The following ZNF142 variants were observed in gnomAD, a reference collection of about 807,000 sequenced individuals.
ZNF142 encodes zinc finger protein 142 (clone pHZ-49).
Under a neutral mutation model 132.1 loss-of-function variants are expected in ZNF142, and 96 were observed. The ratio of observed to expected loss-of-function variants is 0.73; its 90% CI spans 0.62 to 0.86. The LOEUF (loss-of-function observed/expected upper bound fraction) is 0.86. Ranked by LOEUF, ZNF142 falls within the 40% of genes least tolerant of loss-of-function variation. The pLI is 0.00. For missense variants in ZNF142, 2,163 were observed against 2,336.2 expected, an observed-to-expected ratio of 0.93 and a Z score of 1.53; for synonymous variants, 842 against 890.1, an observed-to-expected ratio of 0.95 and a Z score of 0.96.
chr2:218,640,485 T>C (rs994314756), intron 10 of ZNF142, among the ~76,000 whole-genome samples, 179 bp downstream of exon 10: 1 of 152,178 alleles, frequency 6.6e-6, no homozygotes, highest in Non-Finnish European at 1.5e-5. Context: ...CCCTTCTGAT[T>C]CTGACAGGTC....
rs751844424 is a variant in ZNF142 at position 218,656,492 on chromosome 2, G to C, written c.-34-29C>G. On this transcript the variant is annotated intron_variant, in intron 3 of 10. Transcript: ENST00000411696. ...ACAAGCCAACCAGAAGAAAAACAAA[G>C]TAAGGTTAGAGTTCTTACTTTCTTC... 1.6e-4 allele frequency: 229 copies of C among 1,423,272 alleles called. 1 individual carries two copies. The highest frequency in any genetic ancestry group is 1.9e-4 in the Non-Finnish European group (210 of 1,080,620). The allele number at this position is 1,423,272 out of a possible 1,614,324, so 88.2% of individuals were successfully genotyped here.
In ZNF142 at chr2:218,633,694, G is replaced by A; in HGVS notation, c.*4645C>T. The A allele has an allele frequency of 6.2e-7, 1 of 1,613,914 alleles. No individual in the cohort carries two copies. ...TCCGCAGCTTCACACATTCAAAGGA[G>A]CACTACCACTTCTACGAGATATCAT... On this transcript the variant is annotated 3_prime_UTR_variant, in exon 11 of 11. Transcript: ENST00000411696.
At position 218,644,729 on chromosome 2, in the gene ZNF142, T is replaced by G; in HGVS notation, c.2387A>C (p.His796Pro). 1 of 1,614,194 alleles carries G rather than the reference T, an allele frequency of 6.2e-7. No individual in the cohort carries two copies. The highest frequency in any genetic ancestry group is 1.1e-5 in the South Asian group (1 of 91,086). ...TTLLFHKRKA[H>P]GYVPGDQAWQ... ...GGCCTGGTCTCCAGGTACATAGCCATGGGCCTTGCGTTTATGGAACAAGAG... is the reference window on the plus strand; with the variant it reads ...GGCCTGGTCTCCAGGTACATAGCCAGGGGCCTTGCGTTTATGGAACAAGAG... Residue 796 changes from histidine (H) to proline (P), a missense_variant, in exon 9 of 11, where the codon CAT becomes CCT. Physicochemically the swap from His to Pro is moderately conservative, Grantham distance 77. Transcript: ENST00000411696. This position sits in a 1 kb window ranked among gnomAD's most constrained non-coding sequence, Gnocchi z 4.6.
Position 218,656,400 on chromosome 2 carries a change from T to A in ZNF142, c.30A>T (p.Pro10=), listed in dbSNP as rs752308349. 6.9e-7 allele frequency: 1 copy of A among 1,445,804 alleles called. No homozygotes were observed. Among genetic ancestry groups the A allele is most frequent in the Admixed American group, 2.3e-5 (1 of 42,554 alleles). 89.6% of individuals were successfully genotyped at this position (1,445,804 alleles called of 1,614,324 possible). ...CATCCATCTCCCCGGTGCTACTGGC[T>A]GGCTGTGAGTCCAAAAGGGGGTCTG... MTDPLLDSQ[P]ASSTGEMDGL... Residue 10 remains proline, a synonymous_variant, in exon 4 of 11, where the codon CCA becomes CCT. Transcript: ENST00000411696.
At chr2:218,649,522 G>T in intron 6 of ZNF142, 63 bp from the exon 7 acceptor site, 2 of 1,424,928 alleles carry the variant, frequency 1.4e-6, no homozygotes, top group South Asian at 1.4e-5. Flanking sequence ...CAGATAATGG[G>T]AGAACCACAA....
At chr2:218,656,508 T>TA (rs766270059) in intron 3 of ZNF142, 45 bp from the exon 4 acceptor site, 146 of 1,388,666 alleles carry the variant, frequency 1.1e-4, no homozygotes, top group Non-Finnish European at 1.1e-4. Flanking sequence ...TTAGAGTTCT[T>TA]ACTTTCTTCC....
rs762909383 is a variant in ZNF142 at position 218,642,036 on chromosome 2, G to C, written c.5080C>G (p.Arg1694Gly). 1 of 1,613,482 alleles carries C rather than the reference G, an allele frequency of 6.2e-7. No individual in the cohort carries two copies. The highest frequency in any genetic ancestry group is 1.1e-5 in the South Asian group (1 of 91,052). ...LCPYACADPS[R>G]LKYHMRIHKE... ...ATATCCTCTGACATTACCTTGAGACGAGAGGGATCAGCACAGGCATAGGGG... is the reference window on the plus strand; with the variant it reads ...ATATCCTCTGACATTACCTTGAGACCAGAGGGATCAGCACAGGCATAGGGG... Residue 1694 changes from arginine to glycine, a missense_variant, in exon 9 of 11, where the codon CGT becomes GGT. Physicochemically the swap from Arg to Gly is moderately radical, Grantham distance 125. Coordinates refer to ENST00000411696, the MANE Select transcript of ZNF142 (RefSeq NM_001379659.1). This position sits in a 1 kb window ranked among gnomAD's most constrained non-coding sequence, Gnocchi z 4.6.
In ZNF142 at chr2:218,656,456, C is replaced by T. The variant is rs200134160; in HGVS notation, c.-27G>A. ...ACCACCGACTTGTGTGTTTTGGCTTCTTAAATGCTGACAAGCCAACCAGAA... is the reference window on the plus strand; with the variant it reads ...ACCACCGACTTGTGTGTTTTGGCTTTTTAAATGCTGACAAGCCAACCAGAA... On this transcript the variant is annotated 5_prime_UTR_variant, in exon 4 of 11. Transcript: ENST00000411696. 2.8e-6 allele frequency: 4 copies of T among 1,421,028 alleles called. No homozygotes were observed. In the African/African-American group the frequency reaches 5.7e-5, roughly 20 times the overall value. 88.0% of individuals were successfully genotyped at this position (1,421,028 alleles called of 1,614,324 possible). A position where few individuals can be genotyped will look rare whatever the true frequency, so the allele number is the denominator to read the frequency against.
In ZNF142 at chr2:218,636,308, C is replaced by A. The variant is rs574560418; in HGVS notation, c.*2031G>T. The A allele has an allele frequency of 6.2e-7, 1 of 1,614,004 alleles. No individual in the cohort carries two copies. Among genetic ancestry groups the A allele is most frequent in the Non-Finnish European group, 8.5e-7 (1 of 1,179,900 alleles). On this transcript the variant is annotated 3_prime_UTR_variant, in exon 11 of 11. Transcript: ENST00000411696. The stretch of plus-strand genomic sequence containing the variant: ...GCTGGTGCCTGAACTTGCCATGCTG[C>A]GTTTTGTGGTAATGGATTATGACTG...
intron 8 of ZNF142, among the ~76,000 whole-genome samples, chr2:218,645,853 C>G (rs760753615): frequency 3.3e-5 from 5 of 152,162 alleles, no homozygotes; most frequent in East Asian, 1.9e-4. Flanking sequence ...ACCTCCACCC[C>G]CCGGCTCAAG....
At chr2:218,651,591 G>T in intron 5 of ZNF142, 110 bp downstream of exon 5, 1 of 1,156,312 alleles carries the variant, frequency 8.6e-7, no homozygotes, top group Non-Finnish European at 1.1e-6. Flanking sequence ...CCACTGTCTA[G>T]ATTCTCTTAT....
rs776387005 is a variant in ZNF142 at position 218,635,804 on chromosome 2, C to T, written c.*2535G>A. 2.4e-5 allele frequency: 38 copies of T among 1,612,028 alleles called. No homozygotes were observed. Among genetic ancestry groups the T allele is most frequent in the African/African-American group, 5.3e-5 (4 of 74,848 alleles). ...CAGAGCCCTGACTACAGGTGATCAGCGGTCAGCAACTCCCCAAAGTGGACA... is the reference window on the plus strand; with the variant it reads ...CAGAGCCCTGACTACAGGTGATCAGTGGTCAGCAACTCCCCAAAGTGGACA... On this transcript the variant is annotated 3_prime_UTR_variant, in exon 11 of 11. Coordinates refer to ENST00000411696, the MANE Select transcript of ZNF142 (RefSeq NM_001379659.1).
At chr2:218,652,899 G>C (rs941223880) in intron 4 of ZNF142, among the ~76,000 whole-genome samples, 17 of 152,024 alleles carry the variant, frequency 1.1e-4, no homozygotes, top group African/African-American at 4.1e-4. Context: ...ATGTTTATTA[G>C]TGGTAGAGCC....
In ZNF142 at chr2:218,643,206, A is replaced by G. The variant is rs1378032328; in HGVS notation, c.3910T>C (p.Phe1304Leu). Reference sequence around the variant, plus strand: ...CTAAAGGGACATGTAGGGCAGGAGAAGCGAGCCCCCTTCTGCTTTTGAACC... The same window carrying G: ...CTAAAGGGACATGTAGGGCAGGAGAGGCGAGCCCCCTTCTGCTTTTGAACC... ...VLVQKQKGAR[F>L]SCPTCPFSCQ... Residue 1304 changes from phenylalanine to leucine, a missense_variant, in exon 9 of 11, where the codon TTC becomes CTC. Around this residue, in one of 7 missense-constraint regions of ZNF142, gnomAD observed 809 missense variants for 801.7 expected, o/e 1.01. Transcript: ENST00000411696. 3 of 1,614,238 alleles carry G rather than the reference A, an allele frequency of 1.9e-6. No individual in the cohort carries two copies. The highest frequency in any genetic ancestry group is 1.1e-5 in the South Asian group (1 of 91,088).
At position 218,635,760 on chromosome 2, in the gene ZNF142, G is replaced by A. The variant is rs767436072; in HGVS notation, c.*2579C>T. 12 of 1,600,290 alleles carry A rather than the reference G, an allele frequency of 7.5e-6. No individual in the cohort carries two copies. Among genetic ancestry groups the A allele is most frequent in the African/African-American group, 5.4e-5 (4 of 74,670 alleles). On this transcript the variant is annotated 3_prime_UTR_variant, in exon 11 of 11. Coordinates refer to ENST00000411696, the MANE Select transcript of ZNF142 (RefSeq NM_001379659.1). The stretch of plus-strand genomic sequence containing the variant: ...GTAGGGTCGGGTGGGGCTGGGCTGA[G>A]CAGGAACTTGTGAGATTCCAGAGCC...
Position 218,635,979 on chromosome 2 carries a change from T to C in ZNF142, c.*2360A>G, listed in dbSNP as rs1207925189. 6.2e-7 allele frequency: 1 copy of C among 1,612,834 alleles called. No individual in the cohort carries two copies. Among genetic ancestry groups the C allele is most frequent in the Admixed American group, 1.7e-5 (1 of 59,948 alleles). ...GAGGTGGGGGTAGGAGCATGATTAG[T>C]TTTCCTTCTAGTCTGTCTTCCATTA... On this transcript the variant is annotated 3_prime_UTR_variant, in exon 11 of 11. Transcript: ENST00000411696.
intron 7 of ZNF142, among the ~76,000 whole-genome samples, chr2:218,648,205 T>C (rs1331877509): frequency 1.3e-5 from 2 of 152,238 alleles, no homozygotes; most frequent in Non-Finnish European, 2.9e-5. Flanking sequence ...TTCAGTGTCA[T>C]GGATGCCCAA....
At chr2:218,639,726 T>A (rs1367745138) in intron 10 of ZNF142, among the ~76,000 whole-genome samples, 1 of 113,016 alleles carries the variant, frequency 8.8e-6, no homozygotes, top group East Asian at 2.6e-4. Flanking sequence ...AGCAAGACCC[T>A]GTCACTGAAA....
At chr2:218,646,894 T>C (rs977711407) in intron 7 of ZNF142, among the ~76,000 whole-genome samples, 3 of 152,124 alleles carry the variant, frequency 2.0e-5, no homozygotes, top group African/African-American at 7.2e-5. Context: ...CCCCAAGCTT[T>C]TCAAAACTAG....
Sources: allele counts gnomAD v4.1 joint callset (sites outside exome capture counted in the v4.1 genomes callset), GRCh38; gene constraint gnomAD v4.1.1; regional missense constraint gnomAD v4.1.1; non-coding constraint Gnocchi (gnomAD v3.1); transcripts MANE v1.5; gene names NCBI Gene and HGNC (gene_info 2026-07-23, HGNC 2026-07-21).